Variants in EPYC observed in about 807,000 individuals in gnomAD.
EPYC encodes the protein epiphycan.
A neutral mutation model predicts 30.1 loss-of-function variants in EPYC; 28 were observed. The observed-to-expected ratio is 0.93, with a 90% CI of 0.69 to 1.28. The LOEUF is 1.28. Among genes scored for constraint, EPYC ranks in the 50% most tolerant of loss-of-function variants. The pLI is 0.00. For missense variants in EPYC, 382 were observed against 383.5 expected, an observed-to-expected ratio of 1.00 and a Z score of 0.03; for synonymous variants, 144 against 141.4, an observed-to-expected ratio of 1.02 and a Z score of -0.13.
intron 6 of EPYC, among the ~76,000 whole-genome samples, chr12:90,968,558 T>G (rs970065334): frequency 2.0e-5 from 3 of 152,184 alleles, no homozygotes; most frequent in Admixed American, 6.5e-5. Flanking sequence ...AACAGACATA[T>G]ATATATTGGA....
intron 2 of EPYC, among the ~76,000 whole-genome samples, chr12:90,997,364 T>A (rs984873613): frequency 3.8e-4 from 57 of 151,936 alleles, no homozygotes; most frequent in Admixed American, 3.7e-3. Flanking sequence ...ACTGGATGAG[T>A]GGATGTTGAC....
At chr12:90,982,506 C>G (rs1344016288) in intron 2 of EPYC, among the ~76,000 whole-genome samples, 1 of 152,010 alleles carries the variant, frequency 6.6e-6, no homozygotes, top group East Asian at 1.9e-4. Context: ...AATCACTTAC[C>G]AACTTTTTGT....
chr12:90,973,018 C>G (rs754881184), intron 3 of EPYC, 38 bp from the exon 4 acceptor site: 1 of 1,384,202 alleles, frequency 7.2e-7, no homozygotes, highest in Non-Finnish European at 1.0e-6. Context: ...ATGTAAGTAC[C>G]AAATCAATTT....
chr12:91,000,668 T>G (rs1404402969), intron 2 of EPYC, among the ~76,000 whole-genome samples: 1 of 151,996 alleles, frequency 6.6e-6, no homozygotes, highest in Non-Finnish European at 1.5e-5. Context: ...CTACTCAAAA[T>G]AGAAGATTCA....
intron 2 of EPYC, among the ~76,000 whole-genome samples, chr12:90,992,781 C>T (rs1877614987): frequency 6.6e-6 from 1 of 152,118 alleles, no homozygotes; most frequent in Non-Finnish European, 1.5e-5. Flanking sequence ...AATGATCTGG[C>T]TTGTTCACTG....
intron 3 of EPYC, among the ~76,000 whole-genome samples, chr12:90,973,843 G>A (rs1403253081): frequency 2.0e-5 from 3 of 152,082 alleles, no homozygotes; most frequent in Non-Finnish European, 4.4e-5. Context: ...ATCATACGAT[G>A]CGGTTTGCAT....
intron 2 of EPYC, among the ~76,000 whole-genome samples, chr12:90,996,858 C>CAGAA (rs917276137): frequency 6.6e-6 from 1 of 151,872 alleles, no homozygotes; most frequent in African/African-American, 2.4e-5. Flanking sequence ...CATATCATTC[C>CAGAA]AGAAAGGATA....
intron 2 of EPYC, among the ~76,000 whole-genome samples, chr12:90,990,866 G>A (rs1373366544): frequency 6.6e-6 from 1 of 152,006 alleles, no homozygotes; most frequent in East Asian, 1.9e-4. Context: ...ATTACCCTCT[G>A]GGATATTCTT....
At chr12:90,978,047 C>T in intron 3 of EPYC, 41 bp downstream of exon 3, 2 of 1,496,134 alleles carry the variant, frequency 1.3e-6, no homozygotes, top group Non-Finnish European at 1.8e-6. Flanking sequence ...TTGAGGATGA[C>T]AAAGTGGACT....
chr12:90,981,429 GTGT>G (rs1180530106), intron 2 of EPYC, among the ~76,000 whole-genome samples: 33 of 152,114 alleles, frequency 2.2e-4, no homozygotes, highest in African/African-American at 7.9e-4. Flanking sequence ...AGCAATATTT[GTGT>G]TATTATTAAA....
chr12:90,965,967 G>T (rs1485466557), intron 6 of EPYC, among the ~76,000 whole-genome samples: 1 of 151,308 alleles, frequency 6.6e-6, no homozygotes, highest in Non-Finnish European at 1.5e-5. Flanking sequence ...ATTGATATTT[G>T]TATATTGATT....
intron 2 of EPYC, among the ~76,000 whole-genome samples, chr12:90,979,889 G>A (rs995451600): frequency 6.6e-6 from 1 of 152,138 alleles, no homozygotes; most frequent in African/African-American, 2.4e-5. Flanking sequence ...ATCAGTGAAT[G>A]TGCTAATACT....
intron 3 of EPYC, among the ~76,000 whole-genome samples, chr12:90,973,852 A>G (rs1186501936): frequency 2.6e-5 from 4 of 152,070 alleles, no homozygotes; most frequent in Admixed American, 6.6e-5. Flanking sequence ...TGCGGTTTGC[A>G]TGGTAAGAGT....
At chr12:90,972,065 T>G (rs558290152) in intron 4 of EPYC, 63 bp from the exon 5 acceptor site, 20 of 1,034,720 alleles carry the variant, frequency 1.9e-5, no homozygotes, top group Non-Finnish European at 2.6e-5. Context: ...AAAATATAAA[T>G]GTAATTTTCC....
At chr12:90,974,236 TAATC>T (rs1172810802) in intron 3 of EPYC, among the ~76,000 whole-genome samples, 2 of 147,452 alleles carry the variant, frequency 1.4e-5, no homozygotes, top group African/African-American at 2.5e-5. Flanking sequence ...GGAAAGGAAA[TAATC>T]AACAACCTAA....
At chr12:90,984,608 A>T (rs1424671109) in intron 2 of EPYC, among the ~76,000 whole-genome samples, 1 of 152,120 alleles carries the variant, frequency 6.6e-6, no homozygotes, top group Non-Finnish European at 1.5e-5. Flanking sequence ...ATGGAGTGAA[A>T]TATCTTATGT....
chr12:90,965,715 T>C (rs1013523178), intron 6 of EPYC, among the ~76,000 whole-genome samples: 7 of 152,112 alleles, frequency 4.6e-5, no homozygotes, highest in Non-Finnish European at 8.8e-5. Flanking sequence ...GATTTATAGA[T>C]TAATTTGGGG....
At chr12:90,964,703 A>C (rs1876851801) in intron 6 of EPYC, among the ~76,000 whole-genome samples, 1 of 152,166 alleles carries the variant, frequency 6.6e-6, no homozygotes, top group South Asian at 2.1e-4. Flanking sequence ...AAAAAAAACA[A>C]GGGAAGAACA....
intron 2 of EPYC, among the ~76,000 whole-genome samples, chr12:90,988,458 C>T (rs986764059): frequency 2.6e-5 from 4 of 152,062 alleles, no homozygotes; most frequent in Admixed American, 6.6e-5. Flanking sequence ...ATGAACCATT[C>T]AGTCCAGTAA....
Sources: allele counts gnomAD v4.1 joint callset (sites outside exome capture counted in the v4.1 genomes callset), GRCh38; gene constraint gnomAD v4.1.1; transcripts MANE v1.5; gene names NCBI Gene and HGNC (gene_info 2026-07-23, HGNC 2026-07-21).